Variants in CCDC91 observed in about 807,000 individuals in gnomAD.
CCDC91 encodes coiled-coil domain-containing protein 91.
Under a neutral mutation model 63.2 loss-of-function variants are expected in CCDC91, and 48 were observed. The ratio of observed to expected loss-of-function variants is 0.76; its 90% confidence interval spans 0.60 to 0.97. The LOEUF is 0.97. CCDC91 is among the 50% of genes least tolerant of loss of function. The probability of loss-of-function intolerance (pLI) is 0.00; values close to 1 mark genes in which losing one functional copy is unlikely to be tolerated. For missense variants in CCDC91, 500 were observed against 494.6 expected, an observed-to-expected ratio of 1.01 and a Z score of -0.10; for synonymous variants, 167 against 165.8, an observed-to-expected ratio of 1.01 and a Z score of -0.06.
chr12:28,471,553 ACAGACCCAGAGAACAAC>A (rs2140660710), intron 11 of CCDC91, among the ~76,000 whole-genome samples: 1 of 152,272 alleles, frequency 6.6e-6, no homozygotes, highest in Admixed American at 6.5e-5. Context: ...CATTTATTTA[ACAGACCCAGAGAACAAC>A]CAGTCCAGTT....
intron 12 of CCDC91, among the ~76,000 whole-genome samples, chr12:28,508,806 A>C (rs903256384): frequency 6.6e-6 from 1 of 151,968 alleles, no homozygotes; most frequent in African/African-American, 2.4e-5. Flanking sequence ...GCGATAAGTA[A>C]GTAGGGCCAC....
At chr12:28,292,805 C>G (rs528712298) in intron 3 of CCDC91, among the ~76,000 whole-genome samples, 26 of 152,140 alleles carry the variant, frequency 1.7e-4, no homozygotes, top group Admixed American at 8.5e-4. Flanking sequence ...GGGTAGTACC[C>G]AATGCTTCTC....
chr12:28,324,376 T>C (rs1940792604), intron 6 of CCDC91, among the ~76,000 whole-genome samples: 1 of 151,814 alleles, frequency 6.6e-6, no homozygotes, highest in Non-Finnish European at 1.5e-5. Context: ...AGGGGGACTG[T>C]CAAGAGGTGG....
chr12:28,227,819 T>C (rs1184558355), intron 1 of CCDC91, among the ~76,000 whole-genome samples: 1 of 152,100 alleles, frequency 6.6e-6, no homozygotes, highest in Non-Finnish European at 1.5e-5. Context: ...ATACATCTTA[T>C]TTCTGTTTTC....
At chr12:28,258,897 A>G (rs555979607) in intron 2 of CCDC91, among the ~76,000 whole-genome samples, 1 of 152,090 alleles carries the variant, frequency 6.6e-6, no homozygotes, top group African/African-American at 2.4e-5. Context: ...AAAGCTATTA[A>G]CTCTAGGTAG....
chr12:28,332,295 G>A (rs1941579495), intron 6 of CCDC91, among the ~76,000 whole-genome samples: 1 of 152,086 alleles, frequency 6.6e-6, no homozygotes, highest in African/African-American at 2.4e-5. Flanking sequence ...TTGTGTTAAG[G>A]TACATTTAAC....
At chr12:28,280,627 C>G (rs74075324) in intron 3 of CCDC91, among the ~76,000 whole-genome samples, 11 of 151,580 alleles carry the variant, frequency 7.3e-5, no homozygotes, top group African/African-American at 2.7e-4. Context: ...TTGTAAATAC[C>G]CTTCTATTAA....
intron 8 of CCDC91, among the ~76,000 whole-genome samples, chr12:28,426,683 T>G (rs1165436230): frequency 1.3e-5 from 2 of 152,190 alleles, no homozygotes; most frequent in African/African-American, 4.8e-5. Context: ...AGCTTCTGCC[T>G]ATATATTATC....
At chr12:28,316,556 CTTTTTTTTTTTTTT>C (rs67889099) in intron 6 of CCDC91, among the ~76,000 whole-genome samples, 12 of 28,448 alleles carry the variant, frequency 4.2e-4, no homozygotes, top group African/African-American at 1.7e-3. Context: ...CAACTCACAC[CTTTTTTTTTTTTTT>C]TTTTTTTTTT....
chr12:28,457,792 T>G (rs1180329673), intron 11 of CCDC91, among the ~76,000 whole-genome samples: 1 of 152,056 alleles, frequency 6.6e-6, no homozygotes, highest in Non-Finnish European at 1.5e-5. Context: ...CCTGGCTTAT[T>G]GATTTTCATA....
At chr12:28,409,393 C>T (rs1433065021) in intron 8 of CCDC91, among the ~76,000 whole-genome samples, 1 of 151,934 alleles carries the variant, frequency 6.6e-6, no homozygotes, top group Non-Finnish European at 1.5e-5. Flanking sequence ...TATCTATAAA[C>T]TTTGGTGATT....
At chr12:28,329,685 T>TATAC (rs1941328861) in intron 6 of CCDC91, among the ~76,000 whole-genome samples, 1 of 152,250 alleles carries the variant, frequency 6.6e-6, no homozygotes, top group South Asian at 2.1e-4. Context: ...GTTACATAGG[T>TATAC]ATACACGTGC....
At chr12:28,352,741 G>A (rs1176922564) in intron 6 of CCDC91, among the ~76,000 whole-genome samples, 19 of 152,150 alleles carry the variant, frequency 1.2e-4, no homozygotes, top group African/African-American at 2.9e-4. Flanking sequence ...AAACCATACC[G>A]TAAACAGATG....
chr12:28,478,347 G>T (rs1246959672), intron 11 of CCDC91, among the ~76,000 whole-genome samples: 1 of 151,992 alleles, frequency 6.6e-6, no homozygotes, highest in South Asian at 2.1e-4. Context: ...ACCTGACAAA[G>T]ACAAGAAATG....
At chr12:28,390,424 T>C (rs970343245) in intron 7 of CCDC91, among the ~76,000 whole-genome samples, 15 of 152,138 alleles carry the variant, frequency 9.9e-5, no homozygotes, top group African/African-American at 3.1e-4. Context: ...CTAGAGTTCT[T>C]ATAGAATGAT....
chr12:28,249,351 C>G (rs1273284578), intron 1 of CCDC91, among the ~76,000 whole-genome samples: 6 of 152,092 alleles, frequency 3.9e-5, no homozygotes, highest in African/African-American at 1.4e-4. Context: ...TGCAACCACT[C>G]TGGATTCTGA....
At chr12:28,533,634 T>A (rs1941921281) in intron 12 of CCDC91, among the ~76,000 whole-genome samples, 1 of 152,070 alleles carries the variant, frequency 6.6e-6, no homozygotes, top group Non-Finnish European at 1.5e-5. Flanking sequence ...GTTGTACATG[T>A]AATTTAAAAG....
intron 1 of CCDC91, among the ~76,000 whole-genome samples, chr12:28,223,926 C>T (rs1944107294): frequency 6.6e-6 from 1 of 152,118 alleles, no homozygotes. Flanking sequence ...GGTATGTTTG[C>T]AGTGTTTCCT....
intron 8 of CCDC91, among the ~76,000 whole-genome samples, chr12:28,419,897 C>T (rs1462285434): frequency 2.0e-5 from 3 of 151,982 alleles, no homozygotes; most frequent in Admixed American, 6.6e-5. Flanking sequence ...GCTGGGACTA[C>T]AGGCACATGG....
Sources: allele counts gnomAD v4.1 joint callset (sites outside exome capture counted in the v4.1 genomes callset), GRCh38; gene constraint gnomAD v4.1.1; transcripts MANE v1.5; gene names NCBI Gene and HGNC (gene_info 2026-07-23, HGNC 2026-07-21).